PUS7: variants seen among roughly 807,000 people sequenced by gnomAD.
The protein encoded by PUS7 is pseudouridylate synthase 7 homolog.
In PUS7, 48 loss-of-function variants were observed where a neutral mutation model predicts 79.8. That is an observed-to-expected ratio of 0.60 (90% CI 0.48 to 0.76). The LOEUF (loss-of-function observed/expected upper bound fraction) is 0.76. Among genes scored for constraint, PUS7 ranks in the 30% least tolerant of loss-of-function variants. The probability of loss-of-function intolerance (pLI) is 0.00; values close to 1 mark genes in which losing one functional copy is unlikely to be tolerated. For synonymous variants in PUS7, 286 were observed against 272.2 expected, an observed-to-expected ratio of 1.05 and a Z score of -0.50; for missense variants, 729 against 797.6, an observed-to-expected ratio of 0.91 and a Z score of 1.04.
At position 105,456,830 on chromosome 7, in the gene PUS7, C is replaced by T. The variant is rs953311968; in HGVS notation, c.*960G>A. On this transcript the variant is annotated 3_prime_UTR_variant, in exon 16 of 16. Coordinates refer to ENST00000469408, the MANE Select transcript of PUS7 (RefSeq NM_019042.5). ...GAAAGAGTTCTGAACATAAAAGGCA[C>T]CTAGAGTAAAAATTAGACCTTAACT... The T allele has an allele frequency of 5.3e-5, 8 of 151,986 alleles. No homozygotes were observed. Among genetic ancestry groups the T allele is most frequent in the African/African-American group, 1.9e-4 (8 of 41,346 alleles). 9.4% of individuals were successfully genotyped at this position (151,986 alleles called of 1,614,324 possible). A position where few individuals can be genotyped will look rare whatever the true frequency, so the allele number is the denominator to read the frequency against.
chr7:105,476,547 G>A (rs960151254), intron 9 of PUS7, among the ~76,000 whole-genome samples: 9 of 152,014 alleles, frequency 5.9e-5, no homozygotes, highest in Non-Finnish European at 8.8e-5. Flanking sequence ...TAGTAGAGAC[G>A]GGTTTTCACC....
intron 12 of PUS7, among the ~76,000 whole-genome samples, chr7:105,467,474 A>G (rs1458773300): frequency 1.8e-4 from 28 of 151,502 alleles, no homozygotes; most frequent in Non-Finnish European, 2.9e-5. Flanking sequence ...TATTTTTAGT[A>G]GAGACGGCGT....
chr7:105,457,724 A>G lies in PUS7; in HGVS notation c.*66T>C. 5.2e-6 allele frequency: 8 copies of G among 1,545,734 alleles called. No individual in the cohort carries two copies. The highest frequency in any genetic ancestry group is 7.0e-6 in the Non-Finnish European group (8 of 1,137,222). Reference sequence around the variant, plus strand: ...CCATATATGAGTCTGAACTAAGACAAAAATGCACAGGGAGCCAGGAAGCAA... The same window carrying G: ...CCATATATGAGTCTGAACTAAGACAGAAATGCACAGGGAGCCAGGAAGCAA... On this transcript the variant is annotated 3_prime_UTR_variant, in exon 16 of 16. Transcript: ENST00000469408.
chr7:105,477,076 A>G (rs550140632), intron 9 of PUS7, among the ~76,000 whole-genome samples: 1 of 152,138 alleles, frequency 6.6e-6, no homozygotes, highest in African/African-American at 2.4e-5. Context: ...TTTAATTTTG[A>G]TAAAGTCCAA....
chr7:105,482,841 G>A (rs1193252628), intron 7 of PUS7, among the ~76,000 whole-genome samples: 2 of 151,964 alleles, frequency 1.3e-5, no homozygotes, highest in Non-Finnish European at 2.9e-5. Context: ...CATTATTTTT[G>A]TCAATCAGAA....
intron 7 of PUS7, among the ~76,000 whole-genome samples, chr7:105,482,734 G>C (rs1262525347): frequency 6.6e-6 from 1 of 152,004 alleles, no homozygotes; most frequent in Non-Finnish European, 1.5e-5. Flanking sequence ...TAATATCTGT[G>C]GAATTTTCTA....
rs911460985 is a variant in PUS7, at chr7:105,458,456, G to A, written c.1850-530C>T. On this transcript the variant is annotated intron_variant, in intron 15 of 15. Coordinates refer to ENST00000469408, the MANE Select transcript of PUS7 (RefSeq NM_019042.5). ...TTTTTTTTGTATTTTCAGTAGAGAC[G>A]GGGTTTTGTCATGTTGGCCAGGCTG... 3.3e-5 allele frequency among the ~76,000 whole-genome samples: 5 copies of A among 151,240 alleles called. No individual in the cohort carries two copies. In the East Asian group the frequency reaches 5.8e-4, roughly 18 times the overall value.
chr7:105,513,946 C>G (rs1586182897), intron 1 of PUS7, among the ~76,000 whole-genome samples: 1 of 139,082 alleles, frequency 7.2e-6, no homozygotes, highest in African/African-American at 2.6e-5. Context: ...GGCGCGGTGG[C>G]TCACGCCTGT....
At chr7:105,517,304 G>C (rs1194514608) in intron 1 of PUS7, among the ~76,000 whole-genome samples, 2 of 152,062 alleles carry the variant, frequency 1.3e-5, no homozygotes, top group African/African-American at 4.8e-5. Flanking sequence ...GTACATACAG[G>C]CATGCGCCAA....
chr7:105,466,032 CCTGT>C (rs1366057160), intron 12 of PUS7, among the ~76,000 whole-genome samples: 1 of 151,744 alleles, frequency 6.6e-6, no homozygotes, highest in Non-Finnish European at 1.5e-5. Context: ...GTGGCAAACA[CCTGT>C]AGTCCCACCT....
intron 5 of PUS7, among the ~76,000 whole-genome samples, chr7:105,501,581 A>G (rs770607124): frequency 4.6e-5 from 7 of 152,148 alleles, no homozygotes; most frequent in African/African-American, 7.2e-5. Flanking sequence ...CATATTTTTT[A>G]TGTGTGACTG....
At chr7:105,465,532 G>A in intron 12 of PUS7, 118 bp from the exon 13 acceptor site, 1 of 756,604 alleles carries the variant, frequency 1.3e-6, no homozygotes, top group Non-Finnish European at 2.1e-6. Flanking sequence ...CAGGTTCAGT[G>A]ACTTAAAAGC....
At position 105,491,592 on chromosome 7, in the gene PUS7, T is replaced by C. The variant is rs981764628; in HGVS notation, c.868A>G (p.Met290Val). The C allele has an allele frequency of 2.5e-6, 4 of 1,599,686 alleles. No homozygotes were observed. Among genetic ancestry groups the C allele is most frequent in the Non-Finnish European group, 3.4e-6 (4 of 1,167,334 alleles). Residue 290 changes from methionine to valine, a missense_variant, in exon 7 of 16, where the codon ATG (methionine) becomes GTG (valine). Physicochemically the swap from Met to Val is conservative, Grantham distance 21. Coordinates refer to ENST00000469408, the MANE Select transcript of PUS7 (RefSeq NM_019042.5). ...ATAGCCCTTTTATCTTTGGTTCCCA[T>C]GTAGGAGAATATATTTGGCTTGACT... ...LRVKPNIFSY[M>V]GTKDKRAITV...
intron 14 of PUS7, chr7:105,462,404 C>T (rs888990620): frequency 4.1e-6 from 2 of 485,054 alleles, no homozygotes; most frequent in East Asian, 4.0e-5. Context: ...TGTGCTCCAG[C>T]CTGGGTGACT....
intron 5 of PUS7, among the ~76,000 whole-genome samples, 194 bp downstream of exon 5, chr7:105,502,226 T>C (rs1403953150): frequency 6.6e-6 from 1 of 152,168 alleles, no homozygotes; most frequent in Admixed American, 6.5e-5. Context: ...CTAATGCCCC[T>C]TGCCAGGCAG....
At chr7:105,477,735 C>T (rs1824171497) in intron 9 of PUS7, among the ~76,000 whole-genome samples, 2 of 151,650 alleles carry the variant, frequency 1.3e-5, no homozygotes, top group South Asian at 2.1e-4. Flanking sequence ...CATTAGTAGT[C>T]ACTCCCCATT....
intron 6 of PUS7, among the ~76,000 whole-genome samples, chr7:105,494,286 A>G (rs1008116400): frequency 8.5e-5 from 13 of 152,098 alleles, no homozygotes; most frequent in Non-Finnish European, 1.8e-4. Context: ...TATTGGCACT[A>G]CGTATGTGGG....
chr7:105,477,859 A>G (rs774197927), intron 9 of PUS7, among the ~76,000 whole-genome samples: 2 of 152,068 alleles, frequency 1.3e-5, no homozygotes, highest in African/African-American at 2.4e-5. Flanking sequence ...GCCACAGTGC[A>G]GTGGTGGTAC....
In PUS7 at chr7:105,499,567, CAT is replaced by C. The variant is rs966310245; in HGVS notation, c.730+2851_730+2852del. The stretch of plus-strand genomic sequence containing the variant: ...TAGATGGTATTTTAAAAAAAAATCA[CAT>C]ATACATTTTGGTAGGTAAAGCAATG... On this transcript the variant is annotated intron_variant, in intron 5 of 15. Coordinates refer to ENST00000469408, the MANE Select transcript of PUS7 (RefSeq NM_019042.5). 1.3e-5 allele frequency among the ~76,000 whole-genome samples: 2 copies of C among 152,168 alleles called. 1 individual carries two copies. Among genetic ancestry groups the C allele is most frequent in the South Asian group, 4.1e-4 (2 of 4,822 alleles).
Sources: gnomAD v4.1 joint callset for allele counts (sites outside exome capture counted in the v4.1 genomes callset) on GRCh38, gnomAD v4.1.1 for gene constraint, MANE v1.5 for transcripts, NCBI Gene and HGNC (gene_info 2026-07-23, HGNC 2026-07-21) for gene names.